The following RSPO2 variants were observed in gnomAD, a reference collection of about 807,000 sequenced individuals.
RSPO2 encodes R-spondin 2, also known as R-spondin-2.
RSPO2 carries 14 observed loss-of-function variants against 30.9 expected under a neutral mutation model. The observed-to-expected ratio is 0.45, with a 90% CI of 0.30 to 0.71. RSPO2 has a LOEUF of 0.71. Among genes scored for constraint, RSPO2 ranks in the 30% least tolerant of loss-of-function variants. The probability of loss-of-function intolerance (pLI) is 0.08; values close to 1 mark genes in which losing one functional copy is unlikely to be tolerated. For missense variants in RSPO2, 264 were observed against 301.9 expected (o/e 0.87, Z 0.93); for synonymous variants, 107 against 96.4 (o/e 1.11, Z -0.64).
At position 107,915,044 on chromosome 8, in the gene RSPO2, T is replaced by C. The variant is rs529994936; in HGVS notation, c.617-13854A>G. 4.6e-5 allele frequency among the ~76,000 whole-genome samples: 7 copies of C among 152,210 alleles called. No individual in the cohort carries two copies. In the South Asian group the frequency reaches 1.2e-3, roughly 27 times the overall value. ...CAATGAAGTAGGCCACCTGAAAAAT[T>C]ATGGAGACTATGCACAATTTCCCCA... On this transcript the variant is annotated intron_variant, in intron 5 of 5. Transcript: ENST00000276659.
At chr8:107,965,370 C>T (rs994105393) in intron 3 of RSPO2, among the ~76,000 whole-genome samples, 33 of 152,310 alleles carry the variant, frequency 2.2e-4, no homozygotes, top group African/African-American at 6.0e-4. Context: ...ACCCTCTCTC[C>T]TATCCTCTTA....
At chr8:107,940,876 T>G (rs1812874675) in intron 5 of RSPO2, among the ~76,000 whole-genome samples, 1 of 152,158 alleles carries the variant, frequency 6.6e-6, no homozygotes, top group South Asian at 2.1e-4. Flanking sequence ...GATACAGTTT[T>G]TTTCTTTTGT....
intron 2 of RSPO2, among the ~76,000 whole-genome samples, chr8:108,043,374 T>C (rs1007117795): frequency 1.3e-5 from 2 of 152,168 alleles, no homozygotes; most frequent in African/African-American, 4.8e-5. Flanking sequence ...GGTCTGCCCA[T>C]ATAGAGACCT....
At chr8:108,017,726 A>C (rs1238244404) in intron 2 of RSPO2, among the ~76,000 whole-genome samples, 3 of 152,208 alleles carry the variant, frequency 2.0e-5, no homozygotes, top group Non-Finnish European at 4.4e-5. Flanking sequence ...CAAAATTTTA[A>C]AACAAAGAAT....
At position 107,992,795 on chromosome 8, in the gene RSPO2, G is replaced by A. The variant is rs537786637; in HGVS notation, c.95-3551C>T. Among the ~76,000 whole-genome samples the A allele has an allele frequency of 6.8e-4, 104 of 152,188 alleles. 1 individual carries two copies. Among genetic ancestry groups the A allele is most frequent in the Non-Finnish European group, 4.7e-4 (32 of 68,008 alleles). On this transcript the variant is annotated intron_variant, in intron 2 of 5. Transcript: ENST00000276659. ...AGAAAAAAATAAAGATTAGATAGCC[G>A]AGATACTATCTTCAACATGTTGAGG...
chr8:107,985,391 A>C (rs1225090936), intron 3 of RSPO2, among the ~76,000 whole-genome samples: 1 of 152,126 alleles, frequency 6.6e-6, no homozygotes, highest in Non-Finnish European at 1.5e-5. Flanking sequence ...TAATCATGAA[A>C]AACTAAAAGT....
At chr8:108,016,436 T>G (rs1563564978) in intron 2 of RSPO2, among the ~76,000 whole-genome samples, 3 of 152,102 alleles carry the variant, frequency 2.0e-5, no homozygotes, top group African/African-American at 4.8e-5. Context: ...GAAAGGTGTC[T>G]CTCCAAAAGG....
intron 2 of RSPO2, among the ~76,000 whole-genome samples, chr8:108,018,784 T>C (rs1563566089): frequency 6.6e-6 from 1 of 152,282 alleles, no homozygotes; most frequent in East Asian, 1.9e-4. Context: ...TAAACACCCA[T>C]AGTTAAAAGT....
chr8:108,073,580 G>A (rs1198316545), intron 2 of RSPO2, among the ~76,000 whole-genome samples: 1 of 152,162 alleles, frequency 6.6e-6, no homozygotes, highest in Non-Finnish European at 1.5e-5. Context: ...CATGTCACCA[G>A]CTGGAAAGCT....
At chr8:107,995,025 C>G (rs1814967822) in intron 2 of RSPO2, among the ~76,000 whole-genome samples, 1 of 152,132 alleles carries the variant, frequency 6.6e-6, no homozygotes, top group Non-Finnish European at 1.5e-5. Context: ...AGTCCCAAAA[C>G]CAGGGCTTAT....
chr8:107,956,855 A>C (rs1002245541), intron 5 of RSPO2, among the ~76,000 whole-genome samples: 8 of 152,206 alleles, frequency 5.3e-5, no homozygotes, highest in Non-Finnish European at 1.2e-4. Flanking sequence ...GTGGCTTATT[A>C]GTTTTGTAAG....
chr8:108,019,138 C>T (rs1810982525), intron 2 of RSPO2, among the ~76,000 whole-genome samples: 1 of 152,048 alleles, frequency 6.6e-6, no homozygotes, highest in Non-Finnish European at 1.5e-5. Flanking sequence ...AACACTGATT[C>T]TTATTTTTTT....
intron 5 of RSPO2, among the ~76,000 whole-genome samples, chr8:107,918,685 C>T (rs1449340278): frequency 1.3e-5 from 2 of 152,112 alleles, no homozygotes; most frequent in African/African-American, 2.4e-5. Flanking sequence ...CCTTATGGAA[C>T]AGAGTCCCAT....
At chr8:108,019,430 T>A (rs1810991518) in intron 2 of RSPO2, among the ~76,000 whole-genome samples, 2 of 151,972 alleles carry the variant, frequency 1.3e-5, no homozygotes. Context: ...TAAAACCCTT[T>A]CCCATTTCTA....
chr8:108,019,041 T>C (rs559702393), intron 2 of RSPO2, among the ~76,000 whole-genome samples: 2 of 152,320 alleles, frequency 1.3e-5, no homozygotes, highest in East Asian at 3.9e-4. Context: ...TGGTAGAAGA[T>C]TATTTTATTT....
intron 5 of RSPO2, among the ~76,000 whole-genome samples, chr8:107,948,435 C>T (rs1246022793): frequency 6.6e-6 from 1 of 152,172 alleles, no homozygotes; most frequent in Non-Finnish European, 1.5e-5. Context: ...TACTCAAAAT[C>T]TCCTTGGTTC....
At chr8:108,032,808 T>G (rs985787996) in intron 2 of RSPO2, among the ~76,000 whole-genome samples, 27 of 151,570 alleles carry the variant, frequency 1.8e-4, no homozygotes, top group African/African-American at 5.1e-4. Flanking sequence ...TTTTAAAAAT[T>G]TTTTACTTTG....
chr8:107,933,450 A>G (rs1032099746), intron 5 of RSPO2, among the ~76,000 whole-genome samples: 3 of 152,176 alleles, frequency 2.0e-5, no homozygotes, highest in Non-Finnish European at 4.4e-5. Flanking sequence ...CCATTTATAT[A>G]TATAAATTTA....
At chr8:107,970,268 C>A (rs1032341514) in intron 3 of RSPO2, among the ~76,000 whole-genome samples, 2 of 152,052 alleles carry the variant, frequency 1.3e-5, no homozygotes, top group African/African-American at 2.4e-5. Context: ...ATATCATTTT[C>A]GTGTGTCACA....
Sources: gnomAD v4.1 joint callset for allele counts (sites outside exome capture counted in the v4.1 genomes callset) on GRCh38, gnomAD v4.1.1 for gene constraint, MANE v1.5 for transcripts, NCBI Gene and HGNC (gene_info 2026-07-23, HGNC 2026-07-21) for gene names.